NUSAP1: variants seen among roughly 807,000 people sequenced by gnomAD.
NUSAP1 encodes nucleolar and spindle-associated protein 1.
A neutral mutation model predicts 52.8 loss-of-function variants in NUSAP1; 32 were observed. The ratio of observed to expected loss-of-function variants is 0.61; its 90% CI spans 0.46 to 0.81. NUSAP1 has a LOEUF of 0.81. Ranked by LOEUF, NUSAP1 falls within the 40% of genes least tolerant of loss-of-function variation. The pLI, the probability that NUSAP1 is intolerant of heterozygous loss-of-function variation, is 0.00. For missense variants in NUSAP1, 499 were observed against 522.3 expected (o/e 0.96, Z 0.43); for synonymous variants, 195 against 183.1 (o/e 1.06, Z -0.52).
intron 10 of NUSAP1, among the ~76,000 whole-genome samples, chr15:41,378,906 A>G (rs1386727216): frequency 6.7e-6 from 1 of 149,814 alleles, no homozygotes; most frequent in South Asian, 2.1e-4. Context: ...AACCAAAAAA[A>G]AAAAAGAAAA....
At chr15:41,334,087 TC>T (rs2048025662) in intron 1 of NUSAP1, among the ~76,000 whole-genome samples, 1 of 151,180 alleles carries the variant, frequency 6.6e-6, no homozygotes, top group Non-Finnish European at 1.5e-5. Context: ...AATGCTTAAA[TC>T]AATCGTCACA....
Position 41,358,189 on chromosome 15 carries a change from G to A in NUSAP1, c.591G>A (p.Glu197=). 6.3e-7 allele frequency: 1 copy of A among 1,575,998 alleles called. No homozygotes were observed. The highest frequency in any genetic ancestry group is 1.7e-4 in the Middle Eastern group (1 of 5,956). The part of the protein sequence containing the change: ...KLHEAHFKEM[E]SIDQYIERKK... ...ATGAAGCTCATTTTAAGGAAATGGA[G>A]TCCATTGATCAATATATTGAGAGAA... Residue 197 remains glutamate (E), a synonymous_variant, in exon 6 of 11, where the codon GAG becomes GAA. Transcript: ENST00000559596.
intron 2 of NUSAP1, chr15:41,345,516 A>G (rs1045589135): frequency 1.9e-5 from 8 of 411,104 alleles, no homozygotes; most frequent in Non-Finnish European, 3.3e-5. Context: ...CTGGAGTGCA[A>G]TGACACGATC....
chr15:41,375,034 G>A (rs1215512137), intron 8 of NUSAP1, among the ~76,000 whole-genome samples: 2 of 143,366 alleles, frequency 1.4e-5, no homozygotes, highest in African/African-American at 5.2e-5. Flanking sequence ...TCTCTGAGAT[G>A]GAGTCTTGCT....
chr15:41,380,586 A>G lies in NUSAP1; in HGVS notation c.*400A>G, dbSNP rs143274477. On this transcript the variant is annotated 3_prime_UTR_variant, in exon 11 of 11. Coordinates refer to ENST00000559596, the MANE Select transcript of NUSAP1 (RefSeq NM_016359.5). Reference sequence around the variant, plus strand: ...GCTTCAGGAGAATTTGAACAATAACAAGAATAGGGTAAGCTGGGATAGAAA... The same window carrying G: ...GCTTCAGGAGAATTTGAACAATAACGAGAATAGGGTAAGCTGGGATAGAAA... 361 of 167,316 alleles carry G rather than the reference A, an allele frequency of 2.2e-3. 4 individuals are homozygous for G. Among genetic ancestry groups the G allele is most frequent in the South Asian group, 9.4e-3 (62 of 6,594 alleles). The allele number at this position is 167,316 out of a possible 1,614,324, so 10.4% of individuals were successfully genotyped here.
At position 41,377,510 on chromosome 15, in the gene NUSAP1, T is replaced by C. The variant is rs540884806; in HGVS notation, c.1232+206T>C. 3.3e-5 allele frequency among the ~76,000 whole-genome samples: 5 copies of C among 150,490 alleles called. No individual in the cohort carries two copies. The East Asian group carries it at 5.9e-4, about 18-fold the overall frequency. On this transcript the variant is annotated intron_variant, in intron 10 of 10. Transcript: ENST00000559596. ...GTCAGGAGATCGAAACCATCCTGGC[T>C]AACACGGTGAAACCCCGTCTCTACT...
At chr15:41,339,780 C>G (rs1389933267) in intron 1 of NUSAP1, among the ~76,000 whole-genome samples, 1 of 151,374 alleles carries the variant, frequency 6.6e-6, no homozygotes, top group East Asian at 1.9e-4. Context: ...AATTTTTTTT[C>G]TATTTTTTTA....
chr15:41,368,850 A>AG (rs897567923), intron 7 of NUSAP1, among the ~76,000 whole-genome samples: 77 of 146,508 alleles, frequency 5.3e-4, no homozygotes, highest in African/African-American at 1.9e-3. Context: ...CTCATGCCTC[A>AG]GCCTCCTGAG....
Position 41,375,807 on chromosome 15 carries a change from C to G in NUSAP1, c.1102C>G (p.Leu368Val), listed in dbSNP as rs755305526. The change falls in exon 9 of 11, where the codon CTC (leucine) becomes GTC (valine). Residue 368 changes from leucine (L) to valine (V), a missense_variant. Transcript: ENST00000559596. ...FDLKASLSRP[L>V]NYEPHKGKLK... ...TCTTAAAGCAAGTTTGTCTCGTCCC[C>G]TCAACTATGAACCACACAAAGGTAT... 4.3e-6 allele frequency: 7 copies of G among 1,612,026 alleles called. No individual in the cohort carries two copies. In the Admixed American group the frequency reaches 1.2e-4, roughly 27 times the overall value.
At position 41,380,134 on chromosome 15, in the gene NUSAP1, A is replaced by G. The variant is rs779718476; in HGVS notation, c.1274A>G (p.Lys425Arg). The part of the protein sequence containing the change: ...RKKREQERKE[K>R]KAKVLGMRRG... ...AAACGCGAGCAAGAACGAAAGGAGA[A>G]GAAAGCAAAGGTTTTGGGAATGCGA... Residue 425 changes from lysine to arginine, a missense_variant, in exon 11 of 11, where the codon AAG (lysine) becomes AGG (arginine). Lys to Arg is a conservative substitution (Grantham distance 26). Coordinates refer to ENST00000559596, the MANE Select transcript of NUSAP1 (RefSeq NM_016359.5). 3.8e-6 allele frequency: 6 copies of G among 1,588,810 alleles called. No homozygotes were observed. The Admixed American group carries it at 1.1e-4, about 28-fold the overall frequency.
intron 6 of NUSAP1, among the ~76,000 whole-genome samples, chr15:41,360,298 C>T (rs1412674080): frequency 6.7e-6 from 1 of 149,106 alleles, no homozygotes; most frequent in African/African-American, 2.5e-5. Flanking sequence ...ACCACCACAC[C>T]CGGCTAATTT....
chr15:41,378,766 G>A (rs936870650), intron 10 of NUSAP1, among the ~76,000 whole-genome samples: 6 of 151,270 alleles, frequency 4.0e-5, no homozygotes, highest in Non-Finnish European at 7.4e-5. Flanking sequence ...GCAAAACTCC[G>A]TCTCAAAAAA....
intron 8 of NUSAP1, among the ~76,000 whole-genome samples, chr15:41,372,550 C>T (rs2140838823): frequency 6.6e-6 from 1 of 152,284 alleles, no homozygotes; most frequent in Non-Finnish European, 1.5e-5. Context: ...AGCAGGACAG[C>T]TGGATTGGAA....
chr15:41,335,189 C>T (rs1006229929), intron 1 of NUSAP1, among the ~76,000 whole-genome samples: 1 of 149,698 alleles, frequency 6.7e-6, no homozygotes, highest in African/African-American at 2.4e-5. Flanking sequence ...AAATGAAACA[C>T]TACAATTTAA....
chr15:41,368,181 T>C (rs924797609), intron 7 of NUSAP1, among the ~76,000 whole-genome samples: 2 of 152,168 alleles, frequency 1.3e-5, no homozygotes, highest in Non-Finnish European at 2.9e-5. Flanking sequence ...TGTGTTCTTT[T>C]GCTTTTGTTT....
At chr15:41,363,535 C>T (rs1284684215) in intron 6 of NUSAP1, among the ~76,000 whole-genome samples, 1 of 151,874 alleles carries the variant, frequency 6.6e-6, no homozygotes, top group South Asian at 2.1e-4. Context: ...CTACTACACC[C>T]AGCTATTTTT....
intron 1 of NUSAP1, among the ~76,000 whole-genome samples, chr15:41,335,815 A>T (rs1428555278): frequency 6.8e-6 from 1 of 146,846 alleles, no homozygotes; most frequent in East Asian, 1.9e-4. Flanking sequence ...TAAATATACT[A>T]AATATACTAT....
At chr15:41,359,851 T>G (rs527505901) in intron 6 of NUSAP1, among the ~76,000 whole-genome samples, 92 of 151,784 alleles carry the variant, frequency 6.1e-4, no homozygotes, top group Non-Finnish European at 1.2e-3. Context: ...CAGGCTGGTC[T>G]TGAACTCCTG....
At chr15:41,360,248 C>T (rs2049122352) in intron 6 of NUSAP1, among the ~76,000 whole-genome samples, 1 of 151,952 alleles carries the variant, frequency 6.6e-6, no homozygotes, top group Non-Finnish European at 1.5e-5. Flanking sequence ...AAGTGATTCT[C>T]CCACCTCAGC....
Sources: gnomAD v4.1 joint callset for allele counts (sites outside exome capture counted in the v4.1 genomes callset) on GRCh38, gnomAD v4.1.1 for gene constraint, MANE v1.5 for transcripts, NCBI Gene and HGNC (gene_info 2026-07-23, HGNC 2026-07-21) for gene names.